Variants in CNTNAP2 observed in about 807,000 individuals in gnomAD.
CNTNAP2 encodes the protein contactin associated protein 2.
A neutral mutation model predicts 155.2 loss-of-function variants in CNTNAP2; 98 were observed. The ratio of observed to expected loss-of-function variants is 0.63; its 90% CI spans 0.54 to 0.75. CNTNAP2 has a LOEUF of 0.75. Among genes scored for constraint, CNTNAP2 ranks in the 30% least tolerant of loss-of-function variants. The probability of loss-of-function intolerance (pLI) is 0.00; values close to 1 mark genes in which losing one functional copy is unlikely to be tolerated. For synonymous variants in CNTNAP2, 651 were observed against 631.2 expected (o/e 1.03, Z -0.47); for missense variants, 1,727 against 1,688.1 (o/e 1.02, Z -0.40).
At chr7:147,427,616 A>G (rs1038468712) in intron 10 of CNTNAP2, among the ~76,000 whole-genome samples, 1 of 152,200 alleles carries the variant, frequency 6.6e-6, no homozygotes, top group African/African-American at 2.4e-5. Flanking sequence ...AACAAGGAGT[A>G]CATAAACTAC....
chr7:148,246,328 G>A (rs1450708417), intron 20 of CNTNAP2, among the ~76,000 whole-genome samples: 2 of 152,138 alleles, frequency 1.3e-5, no homozygotes, highest in African/African-American at 4.8e-5. Flanking sequence ...CAATAGAAAT[G>A]TAACCTTTTC....
chr7:147,116,602 A>G (rs573985752), intron 5 of CNTNAP2, among the ~76,000 whole-genome samples: 2 of 151,968 alleles, frequency 1.3e-5, no homozygotes, highest in Non-Finnish European at 2.9e-5. Flanking sequence ...CAAAACAGCT[A>G]TGTTGTGGTG....
intron 13 of CNTNAP2, among the ~76,000 whole-genome samples, chr7:147,788,948 A>G (rs923126335): frequency 8.1e-6 from 1 of 123,906 alleles, no homozygotes; most frequent in Non-Finnish European, 1.6e-5. Flanking sequence ...TCTGTCAGCC[A>G]GGCTGGAGTA....
At chr7:147,906,425 C>T (rs944702155) in intron 14 of CNTNAP2, among the ~76,000 whole-genome samples, 10 of 152,104 alleles carry the variant, frequency 6.6e-5, no homozygotes, top group Non-Finnish European at 1.3e-4. Flanking sequence ...CCCTCAGCCT[C>T]CCACAGTGCT....
chr7:146,478,300 G>T (rs1366918922), intron 1 of CNTNAP2, among the ~76,000 whole-genome samples: 3 of 152,036 alleles, frequency 2.0e-5, no homozygotes, highest in Admixed American at 1.3e-4. Flanking sequence ...AGGGAATAGT[G>T]AGAATAAAGA....
At chr7:146,598,979 A>G (rs796071720) in intron 1 of CNTNAP2, among the ~76,000 whole-genome samples, 4 of 152,192 alleles carry the variant, frequency 2.6e-5, no homozygotes, top group African/African-American at 7.2e-5. Context: ...TCCCCATCTC[A>G]TTAACTGACA....
At chr7:146,475,194 A>G (rs1796860244) in intron 1 of CNTNAP2, among the ~76,000 whole-genome samples, 1 of 152,194 alleles carries the variant, frequency 6.6e-6, no homozygotes, top group Admixed American at 6.5e-5. Context: ...TGATTCTAAT[A>G]TATTGGGTAT....
chr7:146,499,384 C>G (rs982425677), intron 1 of CNTNAP2, among the ~76,000 whole-genome samples: 3 of 152,022 alleles, frequency 2.0e-5, no homozygotes, highest in African/African-American at 7.2e-5. Context: ...TTTCACTAAT[C>G]TATAAACCAA....
At chr7:147,562,474 C>T (rs963403571) in intron 12 of CNTNAP2, among the ~76,000 whole-genome samples, 1 of 151,946 alleles carries the variant, frequency 6.6e-6, no homozygotes, top group African/African-American at 2.4e-5. Flanking sequence ...TTGATGTGAA[C>T]AATTAAGCAT....
chr7:146,985,667 A>G (rs376869398), intron 3 of CNTNAP2, among the ~76,000 whole-genome samples: 17 of 152,292 alleles, frequency 1.1e-4, no homozygotes, highest in South Asian at 6.2e-4. Flanking sequence ...GAAAATTCAA[A>G]CAATCATATT....
At chr7:146,351,526 C>A (rs545272822) in intron 1 of CNTNAP2, among the ~76,000 whole-genome samples, 49 of 152,212 alleles carry the variant, frequency 3.2e-4, no homozygotes, top group African/African-American at 1.2e-3. Context: ...GAAGTCTATC[C>A]ATGTAACATG....
chr7:147,184,121 G>A (rs1029465934), intron 8 of CNTNAP2, among the ~76,000 whole-genome samples: 2 of 152,118 alleles, frequency 1.3e-5, no homozygotes, highest in Non-Finnish European at 2.9e-5. Context: ...CTGAGTTCCT[G>A]TAAAATGGCC....
At chr7:146,672,496 A>G (rs1170071878) in intron 1 of CNTNAP2, among the ~76,000 whole-genome samples, 1 of 152,214 alleles carries the variant, frequency 6.6e-6, no homozygotes, top group Non-Finnish European at 1.5e-5. Context: ...AAAACAAGTC[A>G]TAGGACCAGT....
At chr7:148,265,381 C>T (rs148113331) in intron 20 of CNTNAP2, among the ~76,000 whole-genome samples, 3,939 of 152,272 alleles carry the variant, frequency 0.026, 110 homozygotes, top group African/African-American at 0.067. Flanking sequence ...TCAAGCTATC[C>T]TCCCACCTCA....
Position 148,295,765 on chromosome 7 carries a change from C to A in CNTNAP2, c.3475+28639C>A, listed in dbSNP as rs181733353. Among the ~76,000 whole-genome samples, 328 of 152,048 alleles carry A rather than the reference C, an allele frequency of 2.2e-3. 3 individuals carry two copies. The highest frequency in any genetic ancestry group is 7.6e-3 in the African/African-American group (314 of 41,452). On this transcript the variant is annotated intron_variant, in intron 21 of 23. Transcript: ENST00000361727. ...CTCGGCCTCCCAAAGTGCTGGGATT[C>A]CAGACATGAGCCAACGCGCCCGGCC...
rs1799913791 is a variant in CNTNAP2 at position 147,903,711 on chromosome 7, T to C, written c.2245T>C (p.Tyr749His). The change falls in exon 14 of 24, where the codon TAC (tyrosine) becomes CAC (histidine). Residue 749 changes from tyrosine (Y) to histidine (H), a missense_variant. By Grantham distance (83) the Tyr-to-His change is moderately conservative. Transcript: ENST00000361727. The part of the protein sequence containing the change: ...PKYYCNCDAD[Y>H]KQWRKDAGFL... ...GTACTACTGTAACTGCGACGCGGAC[T>C]ACAAGCAATGGTGAGTGCCTGCGGG... is the stretch of plus-strand genomic sequence containing the variant. 6.2e-6 allele frequency: 10 copies of C among 1,613,638 alleles called. No homozygotes were observed. Among genetic ancestry groups the C allele is most frequent in the African/African-American group, 1.3e-5 (1 of 74,924 alleles).
intron 4 of CNTNAP2, among the ~76,000 whole-genome samples, chr7:147,062,601 A>G (rs1799704785): frequency 1.3e-5 from 2 of 152,206 alleles, no homozygotes; most frequent in Non-Finnish European, 2.9e-5. Flanking sequence ...AAGAATGCTT[A>G]CTTCATAGAT....
At chr7:147,819,997 A>AT (rs902382221) in intron 13 of CNTNAP2, among the ~76,000 whole-genome samples, 1 of 152,052 alleles carries the variant, frequency 6.6e-6, no homozygotes, top group Non-Finnish European at 1.5e-5. Context: ...TTATAGATCT[A>AT]TTTTTTTAAA....
intron 1 of CNTNAP2, among the ~76,000 whole-genome samples, chr7:146,308,139 C>T (rs1319705136): frequency 6.6e-6 from 1 of 151,972 alleles, no homozygotes; most frequent in Non-Finnish European, 1.5e-5. Flanking sequence ...AGAAAAAAAT[C>T]AAACAACCCC....
Sources: allele counts gnomAD v4.1 joint callset (sites outside exome capture counted in the v4.1 genomes callset), GRCh38; gene constraint gnomAD v4.1.1; transcripts MANE v1.5; gene names NCBI Gene and HGNC (gene_info 2026-07-23, HGNC 2026-07-21).